BIRC6: variants seen among roughly 807,000 people sequenced by gnomAD.
The protein encoded by BIRC6 is dual E2 ubiquitin-conjugating enzyme/E3 ubiquitin-protein ligase BIRC6.
BIRC6 carries 98 observed loss-of-function variants against 503.3 expected under a neutral mutation model. The ratio of observed to expected loss-of-function variants is 0.19; its 90% CI spans 0.17 to 0.23. BIRC6 has a LOEUF of 0.23. Ranked by LOEUF, BIRC6 falls within the 10% of genes least tolerant of loss-of-function variation. BIRC6 has a pLI of 1.00. For synonymous variants in BIRC6, 2,240 were observed against 2,078.7 expected (o/e 1.08, Z -2.11); for missense variants, 5,360 against 5,806.0 (o/e 0.92, Z 2.50).
chr2:32,423,277 AT>A (rs575587992), intron 10 of BIRC6, among the ~76,000 whole-genome samples: 73 of 150,268 alleles, frequency 4.9e-4, no homozygotes, highest in African/African-American at 7.8e-4. Flanking sequence ...ATGGGTTATA[AT>A]TTTTTTTTTC....
In BIRC6 at chr2:32,513,149, CT is replaced by C; in HGVS notation, c.10566del (p.Phe3522LeufsTer17). On this transcript the variant is annotated frameshift_variant, in exon 54 of 74. Transcript: ENST00000421745. LOFTEE classifies it high-confidence loss of function. ...DLPALLDQEL[F>X]ELLFNWSMSL... ...TACCAGCACTCCTGGACCAAGAGCT[CT>C]TTGAGTAAGTATGATTTGTGAAATC... 6.2e-7 allele frequency: 1 copy of C among 1,611,694 alleles called. No homozygotes were observed.
At position 32,479,588 on chromosome 2, in the gene BIRC6, T is replaced by C. The variant is rs1276603039; in HGVS notation, c.7379T>C (p.Ile2460Thr). The C allele has an allele frequency of 6.8e-6, 11 of 1,609,472 alleles. No individual in the cohort carries two copies. The highest frequency in any genetic ancestry group is 8.5e-6 in the Non-Finnish European group (10 of 1,177,570). Residue 2460 changes from isoleucine (I) to threonine (T), a missense_variant, in exon 37 of 74, where the codon ATA (isoleucine) becomes ACA (threonine). By Grantham distance (89) the Ile-to-Thr change is moderately conservative (BLOSUM62 -1). This residue lies in a region of BIRC6 where 2,299 missense variants were observed against 2,267.2 expected (regional missense o/e 1.01). Coordinates refer to ENST00000421745, the MANE Select transcript of BIRC6 (RefSeq NM_016252.4). Reference sequence around the variant, plus strand: ...TCCTCAGTTCAGTTGCTGGAAACTATAGATGAACCTTTGACACATGACATA... The same window carrying C: ...TCCTCAGTTCAGTTGCTGGAAACTACAGATGAACCTTTGACACATGACATA... ...QQSSVQLLET[I>T]DEPLTHDITG... is the part of the protein sequence containing the mutation.
At chr2:32,378,814 T>A (rs2037213358) in intron 2 of BIRC6, 1 of 152,244 alleles carries the variant, frequency 6.6e-6, no homozygotes. Context: ...GTTTTAAGTT[T>A]TAGCCATATA....
At chr2:32,559,431 GTA>G (rs1260208466) in intron 65 of BIRC6, among the ~76,000 whole-genome samples, 1 of 152,206 alleles carries the variant, frequency 6.6e-6, no homozygotes, top group Non-Finnish European at 1.5e-5. Flanking sequence ...TAACAATGAA[GTA>G]TGTGTAAAGG....
chr2:32,519,434 G>A (rs1294593454), intron 57 of BIRC6, among the ~76,000 whole-genome samples: 1 of 152,170 alleles, frequency 6.6e-6, no homozygotes, highest in East Asian at 1.9e-4. Flanking sequence ...GTATTTTATA[G>A]GATGATACCT....
At chr2:32,395,438 A>G in intron 5 of BIRC6, 73 bp from the exon 6 acceptor site, 1 of 1,211,724 alleles carries the variant, frequency 8.3e-7, no homozygotes. Flanking sequence ...TGAACTTTTA[A>G]AAATAACTTT....
chr2:32,570,961 C>CTTATTTTATT, intron 65 of BIRC6, among the ~76,000 whole-genome samples: 1 of 152,080 alleles, frequency 6.6e-6, no homozygotes, highest in African/African-American at 2.4e-5. Context: ...TCACATCTGG[C>CTTATTTTATT]TTATTTTATT....
chr2:32,477,697 C>CT, intron 35 of BIRC6, 114 bp downstream of exon 35: 4 of 648,082 alleles, frequency 6.2e-6, no homozygotes, highest in Non-Finnish European at 9.8e-6. Context: ...CTAGGAGTTC[C>CT]AGACTAGTGT....
intron 66 of BIRC6, among the ~76,000 whole-genome samples, chr2:32,576,565 G>A (rs868230587): frequency 6.6e-6 from 1 of 152,116 alleles, no homozygotes; most frequent in Non-Finnish European, 1.5e-5. Flanking sequence ...CGTATTTACT[G>A]TATTTACTTT....
At position 32,357,749 on chromosome 2, in the gene BIRC6, G is replaced by C. The variant is rs1391532720; in HGVS notation, c.325+263G>C. Among the ~76,000 whole-genome samples, 2 of 152,138 alleles carry C rather than the reference G, an allele frequency of 1.3e-5. No homozygotes were observed. Among genetic ancestry groups the C allele is most frequent in the African/African-American group, 4.8e-5 (2 of 41,438 alleles). ...TTTCGGGCCTGGAGCGTCCGGTCTG[G>C]CTTGGTCCTCCGCGAGAGGTGAGGA... On this transcript the variant is annotated intron_variant, in intron 1 of 73. Transcript: ENST00000421745. The surrounding 1 kb of genome is among the most constrained non-coding windows in gnomAD (Gnocchi z 4.9).
At chr2:32,483,000 C>T (rs1019904418) in intron 39 of BIRC6, among the ~76,000 whole-genome samples, 6 of 151,872 alleles carry the variant, frequency 4.0e-5, no homozygotes, top group East Asian at 1.9e-4. Flanking sequence ...TCACCGCAAC[C>T]GCTGCCTCCC....
At chr2:32,445,404 AAAAGGGAGTATCTTTCTAG>A in intron 20 of BIRC6, 98 bp from the exon 21 acceptor site, 1 of 1,046,374 alleles carries the variant, frequency 9.6e-7, no homozygotes, top group Non-Finnish European at 1.3e-6. Context: ...GTCTTTCCAG[AAAAGGGAGTATCTTTCTAG>A]CAAAAGGAAG....
At chr2:32,578,257 C>G (rs2060400675) in intron 66 of BIRC6, among the ~76,000 whole-genome samples, 1 of 151,688 alleles carries the variant, frequency 6.6e-6, no homozygotes, top group Non-Finnish European at 1.5e-5. Flanking sequence ...TTTTTTCTAA[C>G]AGAGTTCACA....
At chr2:32,418,752 C>T (rs1173344646) in intron 10 of BIRC6, among the ~76,000 whole-genome samples, 1 of 152,066 alleles carries the variant, frequency 6.6e-6, no homozygotes, top group East Asian at 1.9e-4. Flanking sequence ...AGTATTTACA[C>T]CTTAAATATT....
At chr2:32,464,951 A>G in intron 25 of BIRC6, 114 bp from the exon 26 acceptor site, 2 of 1,337,776 alleles carry the variant, frequency 1.5e-6, no homozygotes, top group Non-Finnish European at 2.0e-6. Context: ...ATAAAATATT[A>G]CAGTACATAC....
At chr2:32,371,280 G>A (rs1025000231) in intron 1 of BIRC6, among the ~76,000 whole-genome samples, 1 of 150,456 alleles carries the variant, frequency 6.6e-6, no homozygotes, top group Non-Finnish European at 1.5e-5. Context: ...CTTATAGGAT[G>A]TTAGACAGAC....
chr2:32,475,128 G>GT (rs1479488464), intron 33 of BIRC6, among the ~76,000 whole-genome samples: 2 of 131,978 alleles, frequency 1.5e-5, no homozygotes, highest in African/African-American at 5.9e-5. Context: ...CACACCACTA[G>GT]TCCAGCCTGG....
At chr2:32,436,228 G>A in intron 15 of BIRC6, 44 bp downstream of exon 15, 2 of 1,340,390 alleles carry the variant, frequency 1.5e-6, no homozygotes, top group South Asian at 4.1e-5. Context: ...TAATACCACA[G>A]TTGTAAAAAA....
intron 33 of BIRC6, among the ~76,000 whole-genome samples, chr2:32,475,988 T>A (rs2049719233): frequency 6.6e-6 from 1 of 152,114 alleles, no homozygotes; most frequent in African/African-American, 2.4e-5. Context: ...TTCCAGTTAT[T>A]TCTTACTCCC....
Sources: allele counts gnomAD v4.1 joint callset (sites outside exome capture counted in the v4.1 genomes callset), GRCh38; gene constraint gnomAD v4.1.1; regional missense constraint gnomAD v4.1.1; non-coding constraint Gnocchi (gnomAD v3.1); transcripts MANE v1.5; gene names NCBI Gene and HGNC (gene_info 2026-07-23, HGNC 2026-07-21).